DDHD2: variants seen among roughly 807,000 people sequenced by gnomAD.
DDHD2 encodes triacylglycerol hydrolase DDHD2.
In DDHD2, 62 loss-of-function variants were observed where a neutral mutation model predicts 91.2. The observed-to-expected ratio is 0.68, with a 90% confidence interval of 0.55 to 0.84. The LOEUF (loss-of-function observed/expected upper bound fraction) is 0.84, where lower values mean the gene tolerates loss of function less well. Ranked by LOEUF, DDHD2 falls within the 40% of genes least tolerant of loss-of-function variation. DDHD2 has a pLI of 0.00. For synonymous variants in DDHD2, 271 were observed against 293.9 expected (o/e 0.92, Z 0.80); for missense variants, 740 against 846.9 (o/e 0.87, Z 1.57).
At chr8:38,250,004 C>T (rs572200951) in intron 11 of DDHD2, 5 of 266,862 alleles carry the variant, frequency 1.9e-5, no homozygotes, top group African/African-American at 1.1e-4. Flanking sequence ...GCAACCTCTG[C>T]CTCCCGGGTT....
intron 16 of DDHD2, chr8:38,255,323 C>T (rs1158379453): frequency 9.8e-6 from 5 of 509,310 alleles, no homozygotes; most frequent in Non-Finnish European, 1.9e-5. Flanking sequence ...AGGCCAAAAG[C>T]AATCTTGTAA....
At chr8:38,244,874 T>C (rs1488421470) in intron 7 of DDHD2, among the ~76,000 whole-genome samples, 2 of 152,180 alleles carry the variant, frequency 1.3e-5, no homozygotes, top group Non-Finnish European at 2.9e-5. Flanking sequence ...CTGAACAGTA[T>C]ATTTTAAAGG....
At chr8:38,268,704 A>G in intron 1 of DDHD2, 1 of 1,432,534 alleles carries the variant, frequency 7.0e-7, no homozygotes. Flanking sequence ...AGAGGCTCGG[A>G]CACCCTCCTC....
At position 38,253,564 on chromosome 8, in the gene DDHD2, A is replaced by C. The variant is rs747235685; in HGVS notation, c.1900A>C (p.Thr634Pro). 2 of 1,613,516 alleles carry C rather than the reference A, an allele frequency of 1.2e-6. No individual in the cohort carries two copies. Among genetic ancestry groups the C allele is most frequent in the East Asian group, 4.5e-5 (2 of 44,874 alleles). ...STSEKPSDVN[T>P]EETSVAVKEE... ...GGTTCTTCCATATCCAGATGTTAAC[A>C]CAGAAGAGACCTCTGTGGCAGTTAA... The change falls in exon 16 of 18, where the codon ACA becomes CCA. Residue 634 changes from threonine (T) to proline (P), a missense_variant. Physicochemically the swap from Thr to Pro is conservative, Grantham distance 38. Around this residue, in one of 2 missense-constraint regions of DDHD2, gnomAD observed 693 missense variants for 764.2 expected, o/e 0.91. Coordinates refer to ENST00000397166, the MANE Select transcript of DDHD2 (RefSeq NM_015214.3).
rs7006757 is a variant in DDHD2, at chr8:38,245,721, T to A, written c.849-21T>A. Reference sequence around the variant, plus strand: ...TAAGTGTATTTAGGTTTCCTGCTTATATTATTTTTCCTTTTTTCAGAGATC... The same window carrying A: ...TAAGTGTATTTAGGTTTCCTGCTTAAATTATTTTTCCTTTTTTCAGAGATC... On this transcript the variant is annotated intron_variant, in intron 7 of 17. Coordinates refer to ENST00000397166, the MANE Select transcript of DDHD2 (RefSeq NM_015214.3). 0.23 allele frequency: 368,644 copies of A among 1,608,568 alleles called. 43,554 individuals are homozygous for A. Among genetic ancestry groups the A allele is most frequent in the East Asian group, 0.31 (14,089 of 44,832 alleles).
chr8:38,252,303 C>G lies in DDHD2; in HGVS notation c.1617+16C>G, dbSNP rs1424606459. On this transcript the variant is annotated intron_variant, in intron 13 of 17. Coordinates refer to ENST00000397166, the MANE Select transcript of DDHD2 (RefSeq NM_015214.3). ...TTATCACCCTGTAAGCATTGTACAG[C>G]TATTGTGGTTTTACCTAAATATCAG... 2 of 1,588,614 alleles carry G rather than the reference C, an allele frequency of 1.3e-6. No individual in the cohort carries two copies. The highest frequency in any genetic ancestry group is 1.7e-6 in the Non-Finnish European group (2 of 1,169,784).
intron 11 of DDHD2, 86 bp from the exon 12 acceptor site, chr8:38,251,826 A>G (rs913246175): frequency 1.2e-5 from 11 of 887,600 alleles, no homozygotes; most frequent in Admixed American, 6.2e-5. Context: ...CTACCTACCT[A>G]CCTACCTCAG....
In DDHD2 at chr8:38,257,135, T is replaced by C. The variant is rs141712097; in HGVS notation, c.2055-2905T>C. 4.8e-3 allele frequency among the ~76,000 whole-genome samples: 736 copies of C among 152,106 alleles called. 11 individuals are homozygous for C. The highest frequency in any genetic ancestry group is 0.017 in the African/African-American group (690 of 41,498). On this transcript the variant is annotated intron_variant, in intron 16 of 17. Coordinates refer to ENST00000397166, the MANE Select transcript of DDHD2 (RefSeq NM_015214.3). ...TTTTTGTGGAAATGGGGTTTTGCCA[T>C]GTTGCCCAGGCTGGTCTTGAACTCC...
chr8:38,235,777 T>G (rs1177675109), intron 3 of DDHD2, among the ~76,000 whole-genome samples: 3 of 149,684 alleles, frequency 2.0e-5, no homozygotes, highest in African/African-American at 7.4e-5. Flanking sequence ...CCCAGCACAT[T>G]GTGAGGCCAA....
chr8:38,252,311 G>A lies in DDHD2; in HGVS notation c.1617+24G>A, dbSNP rs569921353. On this transcript the variant is annotated intron_variant, in intron 13 of 17. Coordinates refer to ENST00000397166, the MANE Select transcript of DDHD2 (RefSeq NM_015214.3). ...CTGTAAGCATTGTACAGCTATTGTG[G>A]TTTTACCTAAATATCAGGGCTTATT... 1.8e-5 allele frequency: 29 copies of A among 1,578,648 alleles called. No homozygotes were observed. In the South Asian group the frequency reaches 2.8e-4, roughly 15 times the overall value.
chr8:38,252,690 A>T, intron 13 of DDHD2, 32 bp from the exon 14 acceptor site: 2 of 1,406,446 alleles, frequency 1.4e-6, no homozygotes, highest in Non-Finnish European at 2.0e-6. Context: ...TGCTTAGCAG[A>T]GGTAAATGTA....
chr8:38,253,330 G>A (rs1455180290), intron 15 of DDHD2: 3 of 727,270 alleles, frequency 4.1e-6, no homozygotes, highest in African/African-American at 1.8e-5. Flanking sequence ...GCTATCAATG[G>A]TATAGGTAAT....
downstream of DDHD2, chr8:38,263,218 A>T (rs1807171856): frequency 5.8e-6 from 1 of 173,386 alleles, no homozygotes; most frequent in Non-Finnish European, 1.1e-5. Context: ...TATTTAAAGT[A>T]TAATCACAAT....
chr8:38,241,052 C>G (rs1271722317), intron 6 of DDHD2, among the ~76,000 whole-genome samples: 2 of 130,248 alleles, frequency 1.5e-5, no homozygotes, highest in African/African-American at 5.9e-5. Context: ...GCCTAGGCAA[C>G]AGAGTGAGAC....
intron 1 of DDHD2, 39 bp downstream of exon 1, chr8:38,231,898 CCAGGCTGGGTG>C (rs1804284710): frequency 6.5e-6 from 1 of 153,528 alleles, no homozygotes; most frequent in Non-Finnish European, 1.4e-5. Flanking sequence ...CCGAGGGAGG[CCAGGCTGGGTG>C]CAGGTGGGCG....
intron 1 of DDHD2, chr8:38,268,401 C>G: frequency 1.3e-6 from 2 of 1,574,038 alleles, no homozygotes; most frequent in Non-Finnish European, 8.6e-7. Context: ...TCTCTTGTGT[C>G]TGCCTTCTTG....
chr8:38,260,278 T>C, intron 17 of DDHD2, 131 bp downstream of exon 17: 1 of 517,664 alleles, frequency 1.9e-6, no homozygotes, highest in Non-Finnish European at 3.4e-6. Flanking sequence ...TGCTATTCAT[T>C]TTTAGAGGGA....
chr8:38,270,967 G>A (rs1808449614), intron 1 of DDHD2: 2 of 152,140 alleles, frequency 1.3e-5, no homozygotes, highest in Admixed American at 1.3e-4. Context: ...CCCACATTTT[G>A]GGAGTGTAAC....
rs145473640 is a variant in DDHD2, at chr8:38,260,443, G to C, written c.*27-157G>C. 23 of 196,378 alleles carry C rather than the reference G, an allele frequency of 1.2e-4. No homozygotes were observed. In the East Asian group the frequency reaches 2.8e-3, roughly 24 times the overall value. The allele number at this position is 196,378 out of a possible 1,614,324, so 12.2% of individuals were successfully genotyped here. A position where few individuals can be genotyped will look rare whatever the true frequency, so the allele number is the denominator to read the frequency against. On this transcript the variant is annotated intron_variant, in intron 17 of 17. Transcript: ENST00000397166. ...GTTCTGTTATCTAAGAGTTACTGTG[G>C]CAACAGTTATGATTTTAATTACCAA...
Sources: gnomAD v4.1 joint callset for allele counts (sites outside exome capture counted in the v4.1 genomes callset) on GRCh38, gnomAD v4.1.1 for gene constraint, gnomAD v4.1.1 regional missense constraint, MANE v1.5 for transcripts, NCBI Gene and HGNC (gene_info 2026-07-23, HGNC 2026-07-21) for gene names.